The following SCYL2 variants were observed in gnomAD, a reference collection of about 807,000 sequenced individuals.
SCYL2 encodes the protein SCY1-like protein 2.
A neutral mutation model predicts 100.4 loss-of-function variants in SCYL2; 36 were observed. The observed-to-expected ratio is 0.36, with a 90% CI of 0.27 to 0.47. The LOEUF (loss-of-function observed/expected upper bound fraction) is 0.47, where lower values mean the gene tolerates loss of function less well. Among genes scored for constraint, SCYL2 ranks in the 20% least tolerant of loss-of-function variants. The probability of loss-of-function intolerance (pLI) is 1.00; values close to 1 mark genes in which losing one functional copy is unlikely to be tolerated. For synonymous variants in SCYL2, 330 were observed against 359.2 expected (o/e 0.92, Z 0.92); for missense variants, 902 against 1,083.9 (o/e 0.83, Z 2.36).
In SCYL2 at chr12:100,329,213, G is replaced by A. The variant is rs1486902311; in HGVS notation, c.1655G>A (p.Cys552Tyr). 5 of 1,565,974 alleles carry A rather than the reference G, an allele frequency of 3.2e-6. No individual in the cohort carries two copies. The highest frequency in any genetic ancestry group is 3.5e-6 in the Non-Finnish European group (4 of 1,136,622). ...TCTTTTCTATCAGGTATTTACAAATGTACTTTTACTCATAAGAAGTTGGGA... is the reference window on the plus strand; with the variant it reads ...TCTTTTCTATCAGGTATTTACAAATATACTTTTACTCATAAGAAGTTGGGA... ...VLMGILGIYK[C>Y]TFTHKKLGIT... Residue 552 changes from cysteine (C) to tyrosine (Y), a missense_variant, in exon 13 of 18, where the codon TGT (cysteine) becomes TAT (tyrosine). Cys to Tyr is a radical substitution (Grantham distance 194). Coordinates refer to ENST00000360820, the MANE Select transcript of SCYL2 (RefSeq NM_017988.6).
chr12:100,315,800 A>G, intron 9 of SCYL2, 66 bp downstream of exon 9: 2 of 1,322,246 alleles, frequency 1.5e-6, no homozygotes, highest in Admixed American at 2.6e-5. Context: ...CACTGAAAAC[A>G]AAAGGAATGA....
chr12:100,291,434 T>G, intron 2 of SCYL2, 69 bp from the exon 3 acceptor site: 1 of 1,044,400 alleles, frequency 9.6e-7, no homozygotes, highest in Non-Finnish European at 1.4e-6. Flanking sequence ...ATTTGTAGAT[T>G]GTGACATTCA....
chr12:100,294,534 C>A (rs2096315672), intron 3 of SCYL2, among the ~76,000 whole-genome samples: 1 of 132,636 alleles, frequency 7.5e-6, no homozygotes, highest in Non-Finnish European at 1.6e-5. Context: ...CTGACTCCCC[C>A]ACCTCCCTCC....
chr12:100,290,046 A>G (rs2096308760), intron 2 of SCYL2, among the ~76,000 whole-genome samples: 1 of 152,222 alleles, frequency 6.6e-6, no homozygotes, highest in Admixed American at 6.5e-5. Context: ...TAGTGGTGTA[A>G]CGACGTTAGC....
chr12:100,313,295 CAG>C lies in SCYL2; in HGVS notation c.853-126_853-125del, dbSNP rs560617816. On this transcript the variant is annotated intron_variant, in intron 6 of 17. Coordinates refer to ENST00000360820, the MANE Select transcript of SCYL2 (RefSeq NM_017988.6). ...TTTTGTTTTGCAACAATAGAATTAA[CAG>C]TGTGTTTAAAATGTAGTCAGTATAT... 2.2e-4 allele frequency: 99 copies of C among 455,736 alleles called. 1 individual carries two copies. The highest frequency in any genetic ancestry group is 1.9e-3 in the Admixed American group (48 of 25,316). 28.2% of individuals were successfully genotyped at this position (455,736 alleles called of 1,614,324 possible).
chr12:100,314,921 C>T (rs1316894683), intron 8 of SCYL2, among the ~76,000 whole-genome samples: 1 of 152,186 alleles, frequency 6.6e-6, no homozygotes, highest in East Asian at 1.9e-4. Flanking sequence ...TAAAGGGGTA[C>T]TTCTGTTGAT....
rs116057384 is a variant in SCYL2, at chr12:100,314,667, T to A, written c.1095+53T>A. 1.3e-3 allele frequency: 1,854 copies of A among 1,448,702 alleles called. 23 individuals are homozygous for A. The African/African-American group carries it at 0.023, about 18-fold the overall frequency. The allele number at this position is 1,448,702 out of a possible 1,614,324, so 89.7% of individuals were successfully genotyped here. ...AATCAGGATTTTAGAAGTTAAAGTT[T>A]ATTTTGACTTACTACCATAACTCTT... On this transcript the variant is annotated intron_variant, in intron 8 of 17. Coordinates refer to ENST00000360820, the MANE Select transcript of SCYL2 (RefSeq NM_017988.6).
Position 100,298,019 on chromosome 12 carries a change from T to C in SCYL2, c.336-12T>C, listed in dbSNP as rs770065925. ...AATATGATAGTAAATAACTTTTTCT[T>C]TTTTAAAACAGGGATTGCTTGGCAT... On this transcript the variant is annotated splice_polypyrimidine_tract_variant and intron_variant, in intron 3 of 17. Transcript: ENST00000360820. The C allele has an allele frequency of 1.2e-6, 2 of 1,600,474 alleles. No homozygotes were observed. Among genetic ancestry groups the C allele is most frequent in the Non-Finnish European group, 1.7e-6 (2 of 1,174,602 alleles).
At chr12:100,280,817 C>G (rs2096297235) in intron 1 of SCYL2, among the ~76,000 whole-genome samples, 1 of 151,968 alleles carries the variant, frequency 6.6e-6, no homozygotes, top group African/African-American at 2.4e-5. Flanking sequence ...ATAAAAAAAT[C>G]CAAAACACTT....
At chr12:100,283,507 A>G (rs910288512) in intron 2 of SCYL2, among the ~76,000 whole-genome samples, 7 of 152,130 alleles carry the variant, frequency 4.6e-5, no homozygotes, top group African/African-American at 1.2e-4. Context: ...ATATTTGTCA[A>G]TATGTTACTG....
chr12:100,326,571 T>G (rs775120351), intron 11 of SCYL2, 51 bp from the exon 12 acceptor site: 2 of 1,345,108 alleles, frequency 1.5e-6, no homozygotes, highest in Non-Finnish European at 2.0e-6. Flanking sequence ...AATATTTTGT[T>G]CTAGATTTTG....
chr12:100,314,129 C>T (rs2096345635), intron 7 of SCYL2, among the ~76,000 whole-genome samples: 1 of 152,314 alleles, frequency 6.6e-6, no homozygotes, highest in East Asian at 1.9e-4. Context: ...CTGCCTACCT[C>T]GGCCTCCCGA....
At chr12:100,308,964 A>C (rs576480480) in intron 4 of SCYL2, among the ~76,000 whole-genome samples, 72 of 152,222 alleles carry the variant, frequency 4.7e-4, no homozygotes, top group African/African-American at 1.6e-3. Flanking sequence ...ATCCCCAGTA[A>C]GGGACTGGGG....
chr12:100,293,048 C>A lies in SCYL2; in HGVS notation c.335+1388C>A, dbSNP rs1022046079. Among the ~76,000 whole-genome samples, 14 of 152,092 alleles carry A rather than the reference C, an allele frequency of 9.2e-5. 1 individual carries two copies. The highest frequency in any genetic ancestry group is 2.6e-4 in the Admixed American group (4 of 15,268). On this transcript the variant is annotated intron_variant, in intron 3 of 17. Coordinates refer to ENST00000360820, the MANE Select transcript of SCYL2 (RefSeq NM_017988.6). ...GTGGGGTCTTGCTATATTACTCAGG[C>A]TGATCTTGAACTCTTGGCCTCAAGT...
chr12:100,312,668 A>G lies in SCYL2; in HGVS notation c.852+15A>G. ...AGTTGGATCAGGTATTTGCCTATAA[A>G]TAATTTGCTTGCATTAAAAAATTTA... On this transcript the variant is annotated intron_variant, in intron 6 of 17. Coordinates refer to ENST00000360820, the MANE Select transcript of SCYL2 (RefSeq NM_017988.6). 1 of 1,573,238 alleles carries G rather than the reference A, an allele frequency of 6.4e-7. No individual in the cohort carries two copies. The highest frequency in any genetic ancestry group is 8.6e-7 in the Non-Finnish European group (1 of 1,157,144).
At chr12:100,338,105 T>C (rs550323852) in intron 17 of SCYL2, among the ~76,000 whole-genome samples, 7 of 152,302 alleles carry the variant, frequency 4.6e-5, no homozygotes, top group Admixed American at 3.9e-4. Context: ...AGAAAAACCT[T>C]TGTGGGCCAA....
rs191981570 is a variant in SCYL2 at position 100,293,834 on chromosome 12, C to T, written c.335+2174C>T. On this transcript the variant is annotated intron_variant, in intron 3 of 17. Coordinates refer to ENST00000360820, the MANE Select transcript of SCYL2 (RefSeq NM_017988.6). ...GACACAGCACATGTTTCAGAGAGCA[C>T]AGGGTTGGGGGTAAGGTCACAGATC... Among the ~76,000 whole-genome samples the T allele has an allele frequency of 7.9e-3, 1,206 of 152,202 alleles. 16 individuals carry two copies. Among genetic ancestry groups the T allele is most frequent in the African/African-American group, 0.027 (1,108 of 41,502 alleles).
intron 4 of SCYL2, among the ~76,000 whole-genome samples, chr12:100,308,093 A>G (rs560287252): frequency 2.5e-4 from 38 of 152,290 alleles, no homozygotes; most frequent in African/African-American, 8.7e-4. Flanking sequence ...TTCCTCAAGG[A>G]TCTAGAACCA....
chr12:100,319,337 G>A, intron 10 of SCYL2: 1 of 449,114 alleles, frequency 2.2e-6, no homozygotes, highest in Non-Finnish European at 4.5e-6. Context: ...GTGAATTATA[G>A]CCTCACAAAA....
Sources: allele counts gnomAD v4.1 joint callset (sites outside exome capture counted in the v4.1 genomes callset), GRCh38; gene constraint gnomAD v4.1.1; transcripts MANE v1.5; gene names NCBI Gene and HGNC (gene_info 2026-07-23, HGNC 2026-07-21).